ZNF746: variants seen among roughly 807,000 people sequenced by gnomAD.
ZNF746 encodes zinc finger protein 746.
ZNF746 carries 13 observed loss-of-function variants against 41.0 expected under a neutral mutation model. That is an observed-to-expected ratio of 0.32 (90% CI 0.21 to 0.50). The LOEUF (loss-of-function observed/expected upper bound fraction) is 0.50. ZNF746 is among the 20% of genes least tolerant of loss of function. The pLI, the probability that ZNF746 is intolerant of heterozygous loss-of-function variation, is 0.98. For synonymous variants in ZNF746, 424 were observed against 396.2 expected, an observed-to-expected ratio of 1.07 and a Z score of -0.83; for missense variants, 811 against 922.9, an observed-to-expected ratio of 0.88 and a Z score of 1.57.
Position 149,474,687 on chromosome 7 carries a change from C to T in ZNF746, c.1680G>A (p.Glu560=), listed in dbSNP as rs1283237731. ...GERPFPCTEC[E]KRFTERSKLI... Reference sequence around the variant, plus strand: ...GCTTGGAGCGTTCGGTGAAGCGCTTCTCACACTCGGTGCAGGGGAAGGGCC... The same window carrying T: ...GCTTGGAGCGTTCGGTGAAGCGCTTTTCACACTCGGTGCAGGGGAAGGGCC... The change falls in exon 7 of 7, where the codon GAG becomes GAA. Residue 560 remains glutamate, a synonymous_variant. Coordinates refer to ENST00000458143, the MANE Select transcript of ZNF746 (RefSeq NM_001394198.1). The surrounding 1 kb of genome is among the most constrained non-coding windows in gnomAD (Gnocchi z 6.3). 1.2e-6 allele frequency: 2 copies of T among 1,612,950 alleles called. No homozygotes were observed. Among genetic ancestry groups the T allele is most frequent in the African/African-American group, 1.3e-5 (1 of 74,812 alleles).
chr7:149,482,621 C>T (rs1308203597), intron 4 of ZNF746, among the ~76,000 whole-genome samples: 4 of 152,044 alleles, frequency 2.6e-5, no homozygotes, highest in South Asian at 4.1e-4. Flanking sequence ...TGTGCCACCA[C>T]GCCTGGCTAT....
Position 149,474,803 on chromosome 7 carries a change from C to G in ZNF746, c.1564G>C (p.Asp522His), listed in dbSNP as rs1246214698. 1.3e-6 allele frequency: 2 copies of G among 1,519,524 alleles called. No homozygotes were observed. The highest frequency in any genetic ancestry group is 4.9e-5 in the East Asian group (2 of 40,640). 94.1% of individuals were successfully genotyped at this position (1,519,524 alleles called of 1,614,324 possible). Residue 522 changes from aspartate to histidine, a missense_variant, in exon 7 of 7, where the codon GAT becomes CAT. This residue lies in a region of ZNF746 where 495 missense variants were observed against 481.6 expected (regional missense o/e 1.03). Transcript: ENST00000458143. The surrounding 1 kb of genome is among the most constrained non-coding windows in gnomAD (Gnocchi z 6.3). The stretch of plus-strand genomic sequence containing the variant: ...TCCCCACACCGAAGGGCGCTGCCAT[C>G]CCGTGCGCTGCCCCCACCGCTGCCG... The part of the protein sequence containing the change: ...GGGSGGGSAR[D>H]GSALRCGECG...
rs1318322769 is a variant in ZNF746 at position 149,476,984 on chromosome 7, T to C, written c.821A>G (p.His274Arg). Residue 274 changes from histidine to arginine, a missense_variant, in exon 6 of 7, where the codon CAC (histidine) becomes CGC (arginine). By Grantham distance (29) the His-to-Arg change is conservative. Transcript: ENST00000458143. ...PTSWQTDLPP[H>R]HPSSACSDGT... ...GTCCGAGCATGCTGAAGAGGGATGG[T>C]GGGGAGGGAGATCCGTTTGCCAGGA... 1.9e-6 allele frequency: 3 copies of C among 1,612,990 alleles called. No homozygotes were observed. The highest frequency in any genetic ancestry group is 2.5e-6 in the Non-Finnish European group (3 of 1,179,716).
At chr7:149,487,938 T>A (rs1800677215) in intron 4 of ZNF746, 2 of 151,818 alleles carry the variant, frequency 1.3e-5, no homozygotes, top group East Asian at 1.9e-4. Context: ...AGAACAAATA[T>A]CCAAGAATAG....
At chr7:149,475,693 C>T (rs1800277760) in intron 6 of ZNF746, among the ~76,000 whole-genome samples, 1 of 152,170 alleles carries the variant, frequency 6.6e-6, no homozygotes, top group Non-Finnish European at 1.5e-5. Flanking sequence ...ACCTTCACCA[C>T]AGGACAAGCC....
chr7:149,474,594 G>A lies in ZNF746; in HGVS notation c.1773C>T (p.Phe591=), dbSNP rs1465585967. ...GCTTGCGGAGGTGGTCCTTGCGGATGAAGCTTTTGCCGCAGACGGTGCAGG... is the reference window on the plus strand; with the variant it reads ...GCTTGCGGAGGTGGTCCTTGCGGATAAAGCTTTTGCCGCAGACGGTGCAGG... ...PFTCTVCGKS[F]IRKDHLRKHQ... Residue 591 remains phenylalanine (F), a synonymous_variant, in exon 7 of 7, where the codon TTC becomes TTT. Transcript: ENST00000458143. This position sits in a 1 kb window ranked among gnomAD's most constrained non-coding sequence, Gnocchi z 6.3. The A allele has an allele frequency of 1.9e-6, 3 of 1,612,724 alleles. No homozygotes were observed. The highest frequency in any genetic ancestry group is 2.5e-6 in the Non-Finnish European group (3 of 1,179,172).
chr7:149,480,907 T>C (rs983663004), intron 4 of ZNF746, among the ~76,000 whole-genome samples: 1 of 152,092 alleles, frequency 6.6e-6, no homozygotes, highest in Non-Finnish European at 1.5e-5. Context: ...TATGAAAAAG[T>C]TCCAGAATAA....
chr7:149,492,947 G>A lies in ZNF746; in HGVS notation c.477C>T (p.Val159=), dbSNP rs374120074. ...SLDYAISKPE[V]LSQIEQGKEP... is the part of the protein sequence containing the mutation. ...CCTTCCCTTGTTCAATCTGGGAGAG[G>A]ACCTCGGGCTTGGAGATGGCGTAGT... The change falls in exon 4 of 7, where the codon GTC becomes GTT. Residue 159 remains valine, a synonymous_variant. Coordinates refer to ENST00000458143, the MANE Select transcript of ZNF746 (RefSeq NM_001394198.1). 1.2e-6 allele frequency: 2 copies of A among 1,613,960 alleles called. No homozygotes were observed. The highest frequency in any genetic ancestry group is 2.7e-5 in the African/African-American group (2 of 74,920).
At chr7:149,485,277 G>A (rs779073686) in intron 4 of ZNF746, among the ~76,000 whole-genome samples, 17 of 152,170 alleles carry the variant, frequency 1.1e-4, no homozygotes, top group Non-Finnish European at 2.2e-4. Context: ...CAGATAACAT[G>A]ACTGAATATA....
chr7:149,494,391 A>G lies in ZNF746; in HGVS notation c.137T>C (p.Leu46Pro), dbSNP rs770979084. The G allele has an allele frequency of 6.2e-7, 1 of 1,613,876 alleles. No homozygotes were observed. The highest frequency in any genetic ancestry group is 8.5e-7 in the Non-Finnish European group (1 of 1,179,886). Reference protein sequence around the residue: ...EGRTGMAEKKLADCEKTAVEF... With the variant: ...EGRTGMAEKKPADCEKTAVEF... ...CACGGCTGTCTTCTCGCAATCAGCC[A>G]GCTTCTTCTCGGCCATCCCGGTTCG... The change falls in exon 2 of 7, where the codon CTG (leucine) becomes CCG (proline). Residue 46 changes from leucine to proline, a missense_variant. Leu to Pro is a moderately conservative substitution (Grantham distance 98). This residue lies in a region of ZNF746 where 147 missense variants were observed against 233.4 expected (regional missense o/e 0.63). Transcript: ENST00000458143. The surrounding 1 kb of genome is among the most constrained non-coding windows in gnomAD (Gnocchi z 5.6).
At chr7:149,493,592 C>T (rs1456783012) in intron 3 of ZNF746, among the ~76,000 whole-genome samples, 2 of 152,228 alleles carry the variant, frequency 1.3e-5, no homozygotes, top group Non-Finnish European at 2.9e-5. Context: ...TCTCCACTGA[C>T]CTCGAGGCAT....
At chr7:149,486,254 A>AC (rs1051290995) in intron 4 of ZNF746, among the ~76,000 whole-genome samples, 5 of 152,014 alleles carry the variant, frequency 3.3e-5, no homozygotes, top group African/African-American at 1.2e-4. Context: ...TGTGATTGGA[A>AC]CCCCCAGGCC....
chr7:149,481,455 G>A (rs1287088621), intron 4 of ZNF746, among the ~76,000 whole-genome samples: 1 of 152,126 alleles, frequency 6.6e-6, no homozygotes, highest in Non-Finnish European at 1.5e-5. Flanking sequence ...ATAATGACAA[G>A]AAAAAAGTCT....
At chr7:149,484,170 G>C (rs1800557703) in intron 4 of ZNF746, among the ~76,000 whole-genome samples, 1 of 152,160 alleles carries the variant, frequency 6.6e-6, no homozygotes, top group Non-Finnish European at 1.5e-5. Flanking sequence ...AAAACTCTCT[G>C]AAAATTAAAA....
At chr7:149,485,448 C>G (rs1292558779) in intron 4 of ZNF746, among the ~76,000 whole-genome samples, 1 of 152,204 alleles carries the variant, frequency 6.6e-6, no homozygotes, top group Non-Finnish European at 1.5e-5. Context: ...GAAGCAGGGT[C>G]TCCACCTCAT....
intron 1 of ZNF746, among the ~76,000 whole-genome samples, chr7:149,495,274 C>A (rs1055551683): frequency 6.6e-6 from 1 of 152,156 alleles, no homozygotes; most frequent in African/African-American, 2.4e-5. Flanking sequence ...TTCCCACCCC[C>A]TCAAGGTAAA....
chr7:149,483,754 A>T (rs1317567839), intron 4 of ZNF746, among the ~76,000 whole-genome samples: 2 of 152,206 alleles, frequency 1.3e-5, no homozygotes, highest in Non-Finnish European at 2.9e-5. Context: ...AATAAAAGAG[A>T]AGACAAAGAT....
Position 149,494,450 on chromosome 7 carries a change from T to C in ZNF746, c.78A>G (p.Glu26=), listed in dbSNP as rs1297138693. The change falls in exon 2 of 7, where the codon GAA becomes GAG. Residue 26 remains glutamate, a synonymous_variant. Coordinates refer to ENST00000458143, the MANE Select transcript of ZNF746 (RefSeq NM_001394198.1). The surrounding 1 kb of genome is among the most constrained non-coding windows in gnomAD (Gnocchi z 5.6). ...ATIQAMERKI[E]SQAARLLSLE... Reference sequence around the variant, plus strand: ...GGGAAAGCAGGCGAGCAGCCTGCGATTCAATCTTCCTCTCCATGGCCTGAA... The same window carrying C: ...GGGAAAGCAGGCGAGCAGCCTGCGACTCAATCTTCCTCTCCATGGCCTGAA... 2 of 1,614,000 alleles carry C rather than the reference T, an allele frequency of 1.2e-6. No individual in the cohort carries two copies. Among genetic ancestry groups the C allele is most frequent in the Non-Finnish European group, 1.7e-6 (2 of 1,179,874 alleles).
chr7:149,477,506 C>T (rs1800345010), intron 5 of ZNF746, 58 bp downstream of exon 5: 22 of 1,535,284 alleles, frequency 1.4e-5, no homozygotes, highest in Non-Finnish European at 1.9e-5. Flanking sequence ...CGAGCCCTCC[C>T]CTGTCCCTCC....
Sources: gnomAD v4.1 joint callset for allele counts (sites outside exome capture counted in the v4.1 genomes callset) on GRCh38, gnomAD v4.1.1 for gene constraint, gnomAD v4.1.1 regional missense constraint, Gnocchi (gnomAD v3.1) non-coding constraint, MANE v1.5 for transcripts, NCBI Gene and HGNC (gene_info 2026-07-23, HGNC 2026-07-21) for gene names.